ANG: variants seen among roughly 807,000 people sequenced by gnomAD.
ANG encodes the protein Homo sapiens epididymis luminal protein 168.
For synonymous variants in ANG, 74 were observed against 73.8 expected (o/e 1.00, Z -0.02); for missense variants, 178 against 187.4 (o/e 0.95, Z 0.29).
intron 1 of ANG, among the ~76,000 whole-genome samples, chr14:20,689,959 T>G (rs1398409681): frequency 3.3e-4 from 48 of 146,172 alleles, no homozygotes; most frequent in Admixed American, 3.3e-3. Flanking sequence ...CTCACGCCTG[T>G]AATCCCAGCA....
rs193086968 is a variant in ANG at position 20,689,179 on chromosome 14, C to A, written c.-19+305C>A. ...TCGGGAGTCCTCCCCCGTCGTCCAC[C>A]CCTGTTACAGGCATTACACGTGGCT... On this transcript the variant is annotated intron_variant, in intron 1 of 1. Transcript: ENST00000397990. Among the ~76,000 whole-genome samples the A allele has an allele frequency of 7.7e-3, 1,168 of 152,274 alleles. 10 individuals are homozygous for A. Among genetic ancestry groups the A allele is most frequent in the Middle Eastern group, 0.02 (6 of 294 alleles).
chr14:20,685,592 C>G (rs962877196), upstream of ANG, among the ~76,000 whole-genome samples: 1 of 152,132 alleles, frequency 6.6e-6, no homozygotes, highest in Non-Finnish European at 1.5e-5. Context: ...TTATTACATA[C>G]GCTTCAATTC....
chr14:20,689,915 C>CA (rs58958050), intron 1 of ANG, among the ~76,000 whole-genome samples: 24,518 of 121,306 alleles, frequency 0.2, 2,780 homozygotes, highest in African/African-American at 0.34. Context: ...GACTCTGTCT[C>CA]AAAAAAAAAA....
chr14:20,684,748 C>T (rs1169359944), upstream of ANG: 2 of 152,802 alleles, frequency 1.3e-5, no homozygotes, highest in African/African-American at 4.8e-5. Context: ...CGGACTTGTT[C>T]TGAGGCCGAG....
At chr14:20,684,874 G>C (rs75123596), upstream of ANG, 3,855 of 152,332 alleles carry the variant, frequency 0.025, 67 homozygotes, top group South Asian at 0.043. Context: ...AGGAGTTTGC[G>C]GGACGGGGCT....
intron 1 of ANG, among the ~76,000 whole-genome samples, chr14:20,690,239 A>AAAAAAG (rs1886666991): frequency 6.7e-6 from 1 of 149,734 alleles, no homozygotes; most frequent in African/African-American, 2.5e-5. Flanking sequence ...AAAAAAAAAA[A>AAAAAAG]AAAAAAAAAG....
rs531906918 is a variant in ANG, at chr14:20,690,108, G to A, written c.-19+1234G>A. ...CGGGCGCCTGTAGTCCCAGCTACTC[G>A]GGAGGCTGAGGCAGGAGAATGGCGT... On this transcript the variant is annotated intron_variant, in intron 1 of 1. Coordinates refer to ENST00000397990, the MANE Select transcript of ANG (RefSeq NM_001097577.3). Among the ~76,000 whole-genome samples the A allele has an allele frequency of 2.5e-3, 376 of 147,720 alleles. 2 individuals carry two copies. Among genetic ancestry groups the A allele is most frequent in the South Asian group, 0.013 (60 of 4,662 alleles).
upstream of ANG, among the ~76,000 whole-genome samples, chr14:20,685,832 G>A (rs1886396267): frequency 6.6e-6 from 1 of 152,136 alleles, no homozygotes; most frequent in South Asian, 2.1e-4. Flanking sequence ...ACAAGATCAG[G>A]AGTTCGAGAC....
chr14:20,692,951 C>T (rs994110445), intron 1 of ANG, among the ~76,000 whole-genome samples: 5 of 152,024 alleles, frequency 3.3e-5, no homozygotes, highest in African/African-American at 1.2e-4. Context: ...GGGTTCACGC[C>T]ATTCTCCTGC....
chr14:20,685,599 A>C (rs972612848), upstream of ANG, among the ~76,000 whole-genome samples: 30 of 152,228 alleles, frequency 2.0e-4, no homozygotes, highest in Non-Finnish European at 1.0e-4. Context: ...ATACGCTTCA[A>C]TTCAAGCAAT....
At chr14:20,693,146 C>T (rs1300072020) in intron 1 of ANG, among the ~76,000 whole-genome samples, 1 of 152,218 alleles carries the variant, frequency 6.6e-6, no homozygotes, top group Admixed American at 6.5e-5. Flanking sequence ...CGCGCCCGGC[C>T]GTCATTTGGT....
chr14:20,692,545 A>T (rs1038062091), intron 1 of ANG, among the ~76,000 whole-genome samples: 2 of 152,244 alleles, frequency 1.3e-5, no homozygotes, highest in Admixed American at 1.3e-4. Flanking sequence ...TAGGAGCTGG[A>T]CGCCTATTGT....
At chr14:20,685,101 C>T (rs983714869), upstream of ANG, among the ~76,000 whole-genome samples, 4 of 152,188 alleles carry the variant, frequency 2.6e-5, no homozygotes, top group African/African-American at 9.7e-5. Context: ...GTTATTCAGG[C>T]TAATCACCAG....
rs1886908033 is a variant in ANG, at chr14:20,693,444, A to G, written c.-18-103A>G. The G allele has an allele frequency of 4.8e-6, 7 of 1,472,724 alleles. No individual in the cohort carries two copies. The Admixed American group carries it at 1.2e-4, about 25-fold the overall frequency. The allele number at this position is 1,472,724 out of a possible 1,614,324, so 91.2% of individuals were successfully genotyped here. ...AATATAAAATTTGGTGGTGGAAAAG[A>G]TCTGATTCATGATGCCGTGTCAGAG... On this transcript the variant is annotated intron_variant, in intron 1 of 1. Transcript: ENST00000397990.
At position 20,693,542 on chromosome 14, in the gene ANG, C is replaced by T. The variant is rs372622387; in HGVS notation, c.-18-5C>T. 104 of 1,610,094 alleles carry T rather than the reference C, an allele frequency of 6.5e-5. No homozygotes were observed. The highest frequency in any genetic ancestry group is 8.4e-5 in the Non-Finnish European group (99 of 1,180,004). On this transcript the variant is annotated splice_region_variant and splice_polypyrimidine_tract_variant and intron_variant, in intron 1 of 1. Transcript: ENST00000397990. The stretch of plus-strand genomic sequence containing the variant: ...GTCTACCACACCTCCTTTTGCCCTC[C>T]GCAGGAGCCTGTGTTGGAAGAGATG...
At position 20,694,074 on chromosome 14, in the gene ANG, A is replaced by T; in HGVS notation, c.*66A>T. ...CCTTCCATTTCCCCTCTGCACCCAG[A>T]ACAGTGGTGGCAACATTCATTGCCA... On this transcript the variant is annotated 3_prime_UTR_variant, in exon 2 of 2. Coordinates refer to ENST00000397990, the MANE Select transcript of ANG (RefSeq NM_001097577.3). 6.3e-7 allele frequency: 1 copy of T among 1,580,646 alleles called. No individual in the cohort carries two copies. Among genetic ancestry groups the T allele is most frequent in the Non-Finnish European group, 8.7e-7 (1 of 1,149,838 alleles).
intron 1 of ANG, 99 bp downstream of exon 1, chr14:20,688,973 A>C (rs1003686629): frequency 2.2e-4 from 130 of 581,402 alleles, no homozygotes; most frequent in African/African-American, 2.6e-4. Context: ...GCTCAAGCTC[A>C]TGAATTAAAA....
intron 1 of ANG, among the ~76,000 whole-genome samples, chr14:20,691,677 T>G (rs1042838845): frequency 1.3e-5 from 2 of 152,374 alleles, no homozygotes; most frequent in African/African-American, 4.8e-5. Context: ...ACAAATTTGA[T>G]GCACTGCTGA....
intron 1 of ANG, among the ~76,000 whole-genome samples, chr14:20,693,067 T>G (rs1368237153): frequency 6.6e-6 from 1 of 151,778 alleles, no homozygotes; most frequent in African/African-American, 2.4e-5. Flanking sequence ...CAGGATGGTC[T>G]CGATCTCCTG....
Sources: gnomAD v4.1 joint callset for allele counts (sites outside exome capture counted in the v4.1 genomes callset) on GRCh38, gnomAD v4.1.1 for gene constraint, MANE v1.5 for transcripts, NCBI Gene and HGNC (gene_info 2026-07-23, HGNC 2026-07-21) for gene names.